The following RBPJ variants were observed in gnomAD, a reference collection of about 807,000 sequenced individuals.
RBPJ encodes the protein recombination signal binding protein for immunoglobulin kappa J region.
RBPJ carries 9 observed loss-of-function variants against 67.8 expected under a neutral mutation model. The observed-to-expected ratio is 0.13, with a 90% confidence interval of 0.08 to 0.23. The LOEUF is 0.23. Among genes scored for constraint, RBPJ ranks in the 10% least tolerant of loss-of-function variants. RBPJ has a pLI of 1.00. For missense variants in RBPJ, 305 were observed against 595.6 expected, an observed-to-expected ratio of 0.51 and a Z score of 5.08; for synonymous variants, 198 against 203.3, an observed-to-expected ratio of 0.97 and a Z score of 0.22.
intron 1 of RBPJ, among the ~76,000 whole-genome samples, chr4:26,354,622 G>T (rs896182406): frequency 6.6e-6 from 1 of 151,724 alleles, no homozygotes; most frequent in Admixed American, 6.6e-5. Flanking sequence ...GCTAATTTTT[G>T]TATTTTTAGT....
Position 26,237,676 on chromosome 4 carries a change from C to T in RBPJ, c.-167+74062C>T, listed in dbSNP as rs138709025. Among the ~76,000 whole-genome samples the T allele has an allele frequency of 9.7e-4, 148 of 152,220 alleles. 1 individual carries two copies. Among genetic ancestry groups the T allele is most frequent in the African/African-American group, 3.3e-3 (137 of 41,546 alleles). ...TGCCTACTTACTAGAGCCATGATCACGAGAAAATCACTTCAATTTTTTGAC... is the reference window on the plus strand; with the variant it reads ...TGCCTACTTACTAGAGCCATGATCATGAGAAAATCACTTCAATTTTTTGAC... On this transcript the variant is annotated intron_variant, in intron 1 of 4. Coordinates refer to the RBPJ transcript ENST00000512351.
chr4:26,312,493 C>T (rs186116752), intron 1 of RBPJ, among the ~76,000 whole-genome samples: 12 of 152,288 alleles, frequency 7.9e-5, no homozygotes, highest in Admixed American at 3.3e-4. Flanking sequence ...ATCAACCCCC[C>T]ACCTGGAGTT....
the RBPJ span, among the ~76,000 whole-genome samples, chr4:26,130,323 G>C: frequency 6.6e-6 from 1 of 152,190 alleles, no homozygotes; most frequent in African/African-American, 2.4e-5. Flanking sequence ...TCCTCCCCAA[G>C]GAGTGGTTAC....
At chr4:26,388,181 G>C (rs1356400505) in intron 2 of RBPJ, among the ~76,000 whole-genome samples, 1 of 151,810 alleles carries the variant, frequency 6.6e-6, no homozygotes, top group African/African-American at 2.4e-5. Context: ...TTTTTTTGTA[G>C]AGACAGGGTC....
chr4:26,396,637 C>T (rs531120793), intron 2 of RBPJ, among the ~76,000 whole-genome samples: 10 of 152,386 alleles, frequency 6.6e-5, no homozygotes, highest in East Asian at 1.9e-4. Context: ...CTCAATGTAA[C>T]GGCCTATGCC....
At chr4:26,403,314 G>T (rs1733046834) in intron 2 of RBPJ, among the ~76,000 whole-genome samples, 1 of 151,562 alleles carries the variant, frequency 6.6e-6, no homozygotes, top group South Asian at 2.1e-4. Context: ...ATACTTAAAG[G>T]TTTAATCATA....
chr4:26,180,413 G>C (rs138329065), intron 1 of RBPJ, among the ~76,000 whole-genome samples: 1 of 151,928 alleles, frequency 6.6e-6, no homozygotes, highest in South Asian at 2.1e-4. Flanking sequence ...ACCATAAACT[G>C]AGTGTTTGTA....
chr4:26,414,549 GC>G (rs1734369010), intron 3 of RBPJ, among the ~76,000 whole-genome samples: 1 of 152,022 alleles, frequency 6.6e-6, no homozygotes, highest in Admixed American at 6.6e-5. Flanking sequence ...GAGTTTTCAG[GC>G]CCTCTAGAGA....
intron 1 of RBPJ, among the ~76,000 whole-genome samples, chr4:26,323,972 A>T (rs1377947682): frequency 6.6e-6 from 1 of 152,050 alleles, no homozygotes; most frequent in African/African-American, 2.4e-5. Flanking sequence ...TAGGGGCAGT[A>T]TTTTCTCATG....
At chr4:26,272,082 A>C (rs1312485587) in intron 1 of RBPJ, among the ~76,000 whole-genome samples, 2 of 152,186 alleles carry the variant, frequency 1.3e-5, no homozygotes, top group African/African-American at 2.4e-5. Context: ...TAGGTATAAG[A>C]ATCAATAGGG....
chr4:26,257,209 T>C (rs1720369356), intron 1 of RBPJ, among the ~76,000 whole-genome samples: 1 of 152,242 alleles, frequency 6.6e-6, no homozygotes, highest in Admixed American at 6.5e-5. Flanking sequence ...ACAATCATGA[T>C]TGCTATCACA....
chr4:26,382,195 G>T (rs1010282391), intron 1 of RBPJ, among the ~76,000 whole-genome samples: 2 of 152,132 alleles, frequency 1.3e-5, no homozygotes, highest in African/African-American at 4.8e-5. Flanking sequence ...TGCAAATAAA[G>T]ATAAAAAATG....
intron 1 of RBPJ, chr4:26,362,503 T>C: frequency 6.5e-7 from 1 of 1,549,368 alleles, no homozygotes; most frequent in South Asian, 1.3e-5. Context: ...TCGGAACCAT[T>C]ATGATCTCAA....
chr4:26,425,972 C>T (rs191392014), intron 7 of RBPJ, among the ~76,000 whole-genome samples: 154 of 150,602 alleles, frequency 1.0e-3, no homozygotes, highest in Non-Finnish European at 1.9e-3. Context: ...TTTTTTTTAC[C>T]CTCTGTCATG....
chr4:26,411,903 C>T (rs999903016), intron 3 of RBPJ, among the ~76,000 whole-genome samples: 2 of 150,382 alleles, frequency 1.3e-5, no homozygotes, highest in African/African-American at 2.4e-5. Flanking sequence ...GTCAGGAGAT[C>T]GAGACCATCC....
chr4:26,236,326 CTTGT>C (rs1719450503), intron 1 of RBPJ, among the ~76,000 whole-genome samples: 2 of 152,182 alleles, frequency 1.3e-5, no homozygotes. Context: ...TTATTTCCTG[CTTGT>C]AACAAGTCGC....
At chr4:26,223,312 G>A (rs1440883808) in intron 1 of RBPJ, among the ~76,000 whole-genome samples, 1 of 152,124 alleles carries the variant, frequency 6.6e-6, no homozygotes, top group African/African-American at 2.4e-5. Flanking sequence ...TGACACTGAG[G>A]TGTATCACAG....
intron 1 of RBPJ, among the ~76,000 whole-genome samples, chr4:26,177,123 C>T (rs1016815459): frequency 2.0e-5 from 3 of 152,114 alleles, no homozygotes; most frequent in Non-Finnish European, 2.9e-5. Context: ...TTCATAAGCT[C>T]CTAGATATTC....
At chr4:26,173,003 T>C (rs1355115411) in intron 1 of RBPJ, among the ~76,000 whole-genome samples, 4 of 152,176 alleles carry the variant, frequency 2.6e-5, no homozygotes, top group Admixed American at 2.6e-4. Context: ...TGTCAGATTG[T>C]TTTCCTACTG....
Sources: gnomAD v4.1 joint callset for allele counts (sites outside exome capture counted in the v4.1 genomes callset) on GRCh38, gnomAD v4.1.1 for gene constraint, MANE v1.5 for transcripts, NCBI Gene and HGNC (gene_info 2026-07-23, HGNC 2026-07-21) for gene names.